GRM5: variants seen among roughly 807,000 people sequenced by gnomAD.
The protein encoded by GRM5 is glutamate metabotropic receptor 5, also known as metabotropic glutamate receptor 5.
In GRM5, 19 loss-of-function variants were observed where a neutral mutation model predicts 83.1. The observed-to-expected ratio is 0.23, with a 90% CI of 0.16 to 0.34. GRM5 has a LOEUF of 0.34. Ranked by LOEUF, GRM5 falls within the 10% of genes least tolerant of loss-of-function variation. The pLI is 1.00. For synonymous variants in GRM5, 675 were observed against 633.6 expected (o/e 1.07, Z -0.98); for missense variants, 1,160 against 1,588.3 (o/e 0.73, Z 4.58).
At position 88,728,520 on chromosome 11, in the gene GRM5, T is replaced by G. The variant is rs150029320; in HGVS notation, c.912-75117A>C. ...AAAGAGGGGCTCCTCCCTAACTCAT[T>G]TTATGTGGCCAGCATCATCCTGATA... On this transcript the variant is annotated intron_variant, in intron 3 of 9. Coordinates refer to ENST00000305447, the MANE Select transcript of GRM5 (RefSeq NM_001143831.3). Among the ~76,000 whole-genome samples the G allele has an allele frequency of 4.9e-4, 75 of 152,238 alleles. No homozygotes were observed. The East Asian group carries it at 0.014, about 28-fold the overall frequency.
chr11:88,677,412 C>T (rs1404175677), intron 3 of GRM5, among the ~76,000 whole-genome samples: 2 of 152,174 alleles, frequency 1.3e-5, no homozygotes, highest in East Asian at 3.9e-4. Flanking sequence ...TTTCTCTTAG[C>T]CTACTCAGAA....
intron 3 of GRM5, among the ~76,000 whole-genome samples, chr11:88,731,562 T>C (rs1038135620): frequency 6.6e-6 from 1 of 152,066 alleles, no homozygotes; most frequent in Admixed American, 6.6e-5. Flanking sequence ...CCAACATCAC[T>C]GGAATATTTT....
chr11:88,880,325 T>G (rs1053029864), intron 2 of GRM5, among the ~76,000 whole-genome samples: 2 of 152,150 alleles, frequency 1.3e-5, no homozygotes, highest in Non-Finnish European at 2.9e-5. Flanking sequence ...CAAATATGCA[T>G]TGAAGAGATT....
At chr11:88,653,443 T>C in intron 3 of GRM5, 40 bp from the exon 4 acceptor site, 2 of 1,370,078 alleles carry the variant, frequency 1.5e-6, no homozygotes, top group Non-Finnish European at 2.1e-6. Flanking sequence ...AGAACAGATA[T>C]CTCCTAAGCA....
At chr11:88,536,925 T>C (rs974216421) in intron 8 of GRM5, among the ~76,000 whole-genome samples, 3 of 152,176 alleles carry the variant, frequency 2.0e-5, no homozygotes, top group African/African-American at 7.2e-5. Context: ...TCATTTAATT[T>C]TCTTAACAAA....
At chr11:88,639,760 TG>T (rs1235006976) in intron 4 of GRM5, among the ~76,000 whole-genome samples, 1 of 152,082 alleles carries the variant, frequency 6.6e-6, no homozygotes, top group Non-Finnish European at 1.5e-5. Flanking sequence ...GCTAATTTTT[TG>T]TATTCTTCAA....
At chr11:88,701,570 C>A (rs1027269581) in intron 3 of GRM5, among the ~76,000 whole-genome samples, 2 of 152,098 alleles carry the variant, frequency 1.3e-5, no homozygotes, top group African/African-American at 4.8e-5. Context: ...AAGAAACCAA[C>A]CAGAATCTTT....
intron 3 of GRM5, among the ~76,000 whole-genome samples, chr11:88,797,549 T>G (rs547700401): frequency 6.6e-6 from 1 of 152,354 alleles, no homozygotes; most frequent in East Asian, 1.9e-4. Flanking sequence ...ATCTTACTAT[T>G]AAATTATTCT....
intron 2 of GRM5, among the ~76,000 whole-genome samples, chr11:88,919,370 G>A (rs1289722375): frequency 1.2e-4 from 18 of 149,242 alleles, no homozygotes; most frequent in Admixed American, 2.0e-4. Flanking sequence ...ATATATATGC[G>A]CCTAACACTA....
chr11:88,636,909 A>G (rs1287305466), intron 4 of GRM5, among the ~76,000 whole-genome samples: 1 of 152,100 alleles, frequency 6.6e-6, no homozygotes, highest in Non-Finnish European at 1.5e-5. Context: ...CCATTGATCT[A>G]TATCTCTATT....
intron 2 of GRM5, among the ~76,000 whole-genome samples, chr11:88,999,390 T>G (rs192420072): frequency 3.5e-4 from 53 of 152,050 alleles, no homozygotes; most frequent in African/African-American, 1.2e-3. Context: ...CAAACAAATT[T>G]ACAAGAAAGA....
chr11:88,514,962 A>T (rs72953075), intron 9 of GRM5, among the ~76,000 whole-genome samples: 102 of 152,308 alleles, frequency 6.7e-4, no homozygotes, highest in Non-Finnish European at 1.3e-3. Flanking sequence ...ATGTTTCCAC[A>T]ATAATTCCCC....
chr11:88,679,752 T>A (rs1940429574), intron 3 of GRM5, among the ~76,000 whole-genome samples: 1 of 152,168 alleles, frequency 6.6e-6, no homozygotes, highest in Non-Finnish European at 1.5e-5. Context: ...TTCTCAGCAA[T>A]ATCTCTGTTG....
intron 3 of GRM5, among the ~76,000 whole-genome samples, chr11:88,695,729 G>A (rs972172239): frequency 4.6e-5 from 7 of 152,162 alleles, no homozygotes; most frequent in Non-Finnish European, 7.4e-5. Flanking sequence ...TTATTGAAAC[G>A]GGAGTGTAGT....
chr11:88,606,467 G>A (rs1035166326), intron 4 of GRM5, among the ~76,000 whole-genome samples: 1 of 152,210 alleles, frequency 6.6e-6, no homozygotes, highest in East Asian at 1.9e-4. Flanking sequence ...AGTGAGCCAA[G>A]ATGGCGCCAT....
At chr11:88,877,421 G>T (rs1258034795) in intron 2 of GRM5, among the ~76,000 whole-genome samples, 2 of 152,098 alleles carry the variant, frequency 1.3e-5, no homozygotes, top group Non-Finnish European at 2.9e-5. Flanking sequence ...TTATTGGTGA[G>T]AATATGAAAT....
At chr11:89,040,896 T>G (rs1460865631) in intron 2 of GRM5, among the ~76,000 whole-genome samples, 1 of 152,206 alleles carries the variant, frequency 6.6e-6, no homozygotes, top group Non-Finnish European at 1.5e-5. Context: ...TTCTCTTACA[T>G]GCTTGCTTAG....
At chr11:88,657,954 G>A (rs1025830435) in intron 3 of GRM5, among the ~76,000 whole-genome samples, 2 of 152,136 alleles carry the variant, frequency 1.3e-5, no homozygotes, top group African/African-American at 4.8e-5. Flanking sequence ...TAAAAGAATA[G>A]TCTGTTTCTG....
At chr11:88,600,278 T>TTCTCCC (rs145617057) in intron 5 of GRM5, among the ~76,000 whole-genome samples, 24,247 of 138,410 alleles carry the variant, frequency 0.18, 4,148 homozygotes, top group African/African-American at 0.44. Context: ...CTCCTGCTCC[T>TTCTCCC]TCTCCCTCTC....
Sources: allele counts gnomAD v4.1 joint callset (sites outside exome capture counted in the v4.1 genomes callset), GRCh38; gene constraint gnomAD v4.1.1; transcripts MANE v1.5; gene names NCBI Gene and HGNC (gene_info 2026-07-23, HGNC 2026-07-21).